The following IL1RAPL2 variants were observed in gnomAD, a reference collection of about 807,000 sequenced individuals.
IL1RAPL2 encodes the protein interleukin 1 receptor accessory protein like 2.
A neutral mutation model predicts 44.1 loss-of-function variants in IL1RAPL2; 3 were observed. The ratio of observed to expected loss-of-function variants is 0.07; its 90% CI spans 0.03 to 0.18. The LOEUF (loss-of-function observed/expected upper bound fraction) is 0.18. Among genes scored for constraint, IL1RAPL2 ranks in the 10% least tolerant of loss-of-function variants. The probability of loss-of-function intolerance (pLI) is 1.00; values close to 1 mark genes in which losing one functional copy is unlikely to be tolerated. For missense variants in IL1RAPL2, 391 were observed against 496.4 expected, an observed-to-expected ratio of 0.79 and a Z score of 2.02; for synonymous variants, 181 against 178.8, an observed-to-expected ratio of 1.01 and a Z score of -0.10.
chrX:105,603,703 C>T (rs1451326562), intron 6 of IL1RAPL2, among the ~76,000 whole-genome samples: 2 of 111,419 alleles, frequency 1.8e-5, no homozygotes, highest in African/African-American at 3.3e-5. Context: ...ATTTACAGAA[C>T]ATTAACAGAT....
Position 105,597,886 on chromosome X carries a change from C to T in IL1RAPL2, c.772+113499C>T, listed in dbSNP as rs577819879. Among the ~76,000 whole-genome samples the T allele has an allele frequency of 3.6e-5, 4 of 111,541 alleles. No homozygotes were observed. The South Asian group carries it at 1.5e-3, about 42-fold the overall frequency. ...GTAAATTGGTATAGCAATCAGGGAACAGTATGGACATTTTTTTTCAAAAAA... is the reference window on the plus strand; with the variant it reads ...GTAAATTGGTATAGCAATCAGGGAATAGTATGGACATTTTTTTTCAAAAAA... On this transcript the variant is annotated intron_variant, in intron 6 of 10. Coordinates refer to ENST00000372582, the MANE Select transcript of IL1RAPL2 (RefSeq NM_017416.2).
chrX:105,607,711 G>T (rs1255980828), intron 6 of IL1RAPL2, among the ~76,000 whole-genome samples: 2 of 105,860 alleles, frequency 1.9e-5, no homozygotes, highest in Non-Finnish European at 3.9e-5. Flanking sequence ...ATACACAGAG[G>T]TATGAAATCA....
intron 5 of IL1RAPL2, among the ~76,000 whole-genome samples, chrX:105,373,743 C>T (rs1348179988): frequency 9.9e-5 from 11 of 110,864 alleles, no homozygotes; most frequent in Non-Finnish European, 1.9e-4. Context: ...TATGGCTTGC[C>T]GGTTATCCCA....
At chrX:105,151,034 A>G (rs1000142708) in intron 2 of IL1RAPL2, among the ~76,000 whole-genome samples, 3 of 112,134 alleles carry the variant, frequency 2.7e-5, no homozygotes, top group African/African-American at 9.7e-5. Flanking sequence ...TTGTTAGGAA[A>G]TATTTCTAAA....
In IL1RAPL2 at chrX:105,689,597, G is replaced by T. The variant is rs746058551; in HGVS notation, c.773-27770G>T. Among the ~76,000 whole-genome samples, 8 of 112,032 alleles carry T rather than the reference G, an allele frequency of 7.1e-5. No individual in the cohort carries two copies. The South Asian group carries it at 1.9e-3, about 26-fold the overall frequency. ...ATACTGAAGAGGATGTGGAGAAATA[G>T]AAACACTTTTACACTGTTGGTGGGA... is the stretch of plus-strand genomic sequence containing the variant. On this transcript the variant is annotated intron_variant, in intron 6 of 10. Coordinates refer to ENST00000372582, the MANE Select transcript of IL1RAPL2 (RefSeq NM_017416.2).
intron 2 of IL1RAPL2, among the ~76,000 whole-genome samples, chrX:104,963,927 G>A (rs1207709110): frequency 1.2e-5 from 1 of 83,479 alleles, no homozygotes; most frequent in Non-Finnish European, 2.4e-5. Context: ...GCGTGTGTGT[G>A]TGTGTGTGAG....
intron 2 of IL1RAPL2, among the ~76,000 whole-genome samples, chrX:104,742,164 G>A (rs751146947): frequency 2.7e-5 from 3 of 111,859 alleles, no homozygotes; most frequent in South Asian, 3.7e-4. Flanking sequence ...AATCTTGGCA[G>A]TGATGAGTTA....
intron 4 of IL1RAPL2, among the ~76,000 whole-genome samples, chrX:105,248,508 T>C (rs982816544): frequency 5.4e-5 from 6 of 111,187 alleles, no homozygotes; most frequent in Non-Finnish European, 7.6e-5. Flanking sequence ...GTTTAAACAA[T>C]GACACTATAA....
chrX:104,679,333 A>C (rs1930851109), intron 2 of IL1RAPL2, among the ~76,000 whole-genome samples: 1 of 111,756 alleles, frequency 8.9e-6, no homozygotes, highest in Admixed American at 9.5e-5. Context: ...AGGGGCCTTA[A>C]CAATTTGTGG....
intron 2 of IL1RAPL2, among the ~76,000 whole-genome samples, chrX:105,022,433 A>G (rs773356320): frequency 9.0e-6 from 1 of 111,576 alleles, no homozygotes; most frequent in South Asian, 3.8e-4. Context: ...ACACGTATTA[A>G]ATGACTTAAA....
At chrX:105,481,501 CG>C (rs1035553184) in intron 5 of IL1RAPL2, among the ~76,000 whole-genome samples, 1 of 111,997 alleles carries the variant, frequency 8.9e-6, no homozygotes, top group African/African-American at 3.2e-5. Context: ...TAGTCCATGG[CG>C]GAAGATAAGG....
At chrX:104,959,841 C>CA (rs1474381420) in intron 2 of IL1RAPL2, among the ~76,000 whole-genome samples, 3 of 111,474 alleles carry the variant, frequency 2.7e-5, no homozygotes, top group Non-Finnish European at 5.6e-5. Context: ...TTTCTTTGTC[C>CA]AAACCCATCT....
intron 2 of IL1RAPL2, among the ~76,000 whole-genome samples, chrX:104,818,462 T>C (rs145254193): frequency 3.0e-3 from 325 of 108,869 alleles, no homozygotes; most frequent in Non-Finnish European, 4.5e-3. Context: ...TGATAGTGGA[T>C]GACATAACCA....
chrX:104,760,162 A>G (rs2147589028), intron 2 of IL1RAPL2, among the ~76,000 whole-genome samples: 1 of 112,314 alleles, frequency 8.9e-6, no homozygotes, highest in East Asian at 2.8e-4. Flanking sequence ...TATGTGCCAT[A>G]TATTCTTTAT....
intron 5 of IL1RAPL2, among the ~76,000 whole-genome samples, chrX:105,287,741 CTT>C (rs1356806543): frequency 1.8e-5 from 2 of 111,249 alleles, no homozygotes; most frequent in Non-Finnish European, 3.8e-5. Context: ...ATGAGTGTCT[CTT>C]AAGTGATGAT....
intron 2 of IL1RAPL2, among the ~76,000 whole-genome samples, chrX:104,962,126 C>G (rs1410820733): frequency 3.6e-5 from 4 of 112,110 alleles, no homozygotes; most frequent in Non-Finnish European, 7.5e-5. Flanking sequence ...TGCCTCACTT[C>G]TATGTTTCTA....
At position 105,305,365 on chromosome X, in the gene IL1RAPL2, C is replaced by T. The variant is rs142410852; in HGVS notation, c.697+37824C>T. ...TCACACACATACACACACACACGCA[C>T]GGATCTATTTTTCAATATACTTTAT... is the stretch of plus-strand genomic sequence containing the variant. On this transcript the variant is annotated intron_variant, in intron 5 of 10. Transcript: ENST00000372582. Among the ~76,000 whole-genome samples, 357 of 111,624 alleles carry T rather than the reference C, an allele frequency of 3.2e-3. 1 individual carries two copies. The highest frequency in any genetic ancestry group is 0.011 in the African/African-American group (343 of 30,685).
At chrX:105,203,024 T>C (rs2033730608) in intron 3 of IL1RAPL2, among the ~76,000 whole-genome samples, 1 of 110,815 alleles carries the variant, frequency 9.0e-6, no homozygotes, top group South Asian at 3.8e-4. Context: ...CAATATCTCC[T>C]CCCCCTTGCT....
At chrX:104,590,906 A>T (rs1242881761) in intron 1 of IL1RAPL2, among the ~76,000 whole-genome samples, 1 of 111,571 alleles carries the variant, frequency 9.0e-6, no homozygotes. Flanking sequence ...CTTTAATCCC[A>T]CTGAGTGTCC....
Sources: allele counts gnomAD v4.1 joint callset (sites outside exome capture counted in the v4.1 genomes callset), GRCh38; gene constraint gnomAD v4.1.1; transcripts MANE v1.5; gene names NCBI Gene and HGNC (gene_info 2026-07-23, HGNC 2026-07-21).